GAB3: variants seen among roughly 807,000 people sequenced by gnomAD.
The protein encoded by GAB3 is GRB2 associated binding protein 3.
A neutral mutation model predicts 40.4 loss-of-function variants in GAB3; 12 were observed. The observed-to-expected ratio is 0.30, with a 90% CI of 0.19 to 0.48. The LOEUF (loss-of-function observed/expected upper bound fraction) is 0.48. Ranked by LOEUF, GAB3 falls within the 20% of genes least tolerant of loss-of-function variation. GAB3 has a pLI of 0.99. For synonymous variants in GAB3, 154 were observed against 176.7 expected (o/e 0.87, Z 1.02); for missense variants, 381 against 461.9 (o/e 0.82, Z 1.61).
At chrX:154,686,764 T>G (rs1347859232) in intron 8 of GAB3, among the ~76,000 whole-genome samples, 2 of 110,491 alleles carry the variant, frequency 1.8e-5, no homozygotes, top group Non-Finnish European at 3.8e-5. Flanking sequence ...AATGGGTCAT[T>G]GGAAGCTGAA....
chrX:154,747,558 T>C (rs782429099), intron 1 of GAB3, among the ~76,000 whole-genome samples: 1 of 112,138 alleles, frequency 8.9e-6, no homozygotes, highest in East Asian at 2.8e-4. Flanking sequence ...CCCAGCACTT[T>C]AGAAGGCCAA....
rs782009800 is a variant in GAB3 at position 154,712,518 on chromosome X, A to G, written c.780T>C (p.Ser260=). The G allele has an allele frequency of 5.8e-5, 70 of 1,199,787 alleles. No individual in the cohort carries two copies. Among genetic ancestry groups the G allele is most frequent in the Non-Finnish European group, 7.6e-5 (68 of 890,246 alleles). The part of the protein sequence containing the change: ...SSRPQAALIW[S]REINGPPRDH... ...CCCTGGGTGGCCCATTGATTTCTCT[A>G]CTCCAGATCAGGGCAGCCTGAGGCC... Residue 260 remains serine (S), a synonymous_variant, in exon 4 of 10, where the codon AGT becomes AGC. Transcript: ENST00000424127.
chrX:154,703,582 G>A (rs1254407586), intron 4 of GAB3, among the ~76,000 whole-genome samples: 1 of 111,484 alleles, frequency 9.0e-6, no homozygotes, highest in Non-Finnish European at 1.9e-5. Context: ...TGATGAAATA[G>A]TCAACAAACC....
intron 4 of GAB3, among the ~76,000 whole-genome samples, chrX:154,706,568 G>A (rs781804894): frequency 9.0e-5 from 10 of 111,100 alleles, no homozygotes; most frequent in Non-Finnish European, 1.7e-4. Flanking sequence ...ATCTTAAAAT[G>A]TATATGGAAC....
At chrX:154,708,403 T>C (rs2070849701) in intron 4 of GAB3, among the ~76,000 whole-genome samples, 1 of 112,079 alleles carries the variant, frequency 8.9e-6, no homozygotes, top group African/African-American at 3.2e-5. Context: ...CTAACAAGTG[T>C]CTGCTCAGCA....
At chrX:154,712,190 G>A in intron 4 of GAB3, 39 bp downstream of exon 4, 1 of 1,036,036 alleles carries the variant, frequency 9.7e-7, no homozygotes, top group Non-Finnish European at 1.3e-6. Flanking sequence ...GAGGAGCCCG[G>A]GTTTTCTTGG....
upstream of GAB3, among the ~76,000 whole-genome samples, chrX:154,751,295 T>C (rs149748952): frequency 1.7e-5 from 1 of 59,898 alleles, no homozygotes; most frequent in Non-Finnish European, 3.0e-5. Context: ...GGGGGGGGGG[T>C]GTGGGGGGGG....
intron 1 of GAB3, 141 bp from the exon 2 acceptor site, chrX:154,716,470 G>GGC (rs2071048207): frequency 1.9e-6 from 1 of 537,339 alleles, no homozygotes; most frequent in African/African-American, 2.3e-5. Flanking sequence ...TGTATTACAG[G>GGC]ACTAGTGCCC....
chrX:154,710,429 C>CCT (rs1557255544), intron 4 of GAB3, among the ~76,000 whole-genome samples: 20 of 111,764 alleles, frequency 1.8e-4, no homozygotes, highest in African/African-American at 6.5e-4. Flanking sequence ...GAGAGTGTGG[C>CCT]ACTGGTGCAA....
chrX:154,748,887 G>A (rs782109518), intron 1 of GAB3, among the ~76,000 whole-genome samples: 42 of 111,975 alleles, frequency 3.8e-4, no homozygotes, highest in African/African-American at 1.3e-3. Flanking sequence ...TCCAGGCCCC[G>A]TCGAAGTGAC....
In GAB3 at chrX:154,744,431, A is replaced by G. The variant is rs782215733; in HGVS notation, c.72+6523T>C. Reference sequence around the variant, plus strand: ...CAAAACAAGGAATAGCATCAGGGACAAAGCAAGACATTAAATAATGAAAAA... The same window carrying G: ...CAAAACAAGGAATAGCATCAGGGACGAAGCAAGACATTAAATAATGAAAAA... On this transcript the variant is annotated intron_variant, in intron 1 of 9. Transcript: ENST00000424127. Among the ~76,000 whole-genome samples, 3 of 111,769 alleles carry G rather than the reference A, an allele frequency of 2.7e-5. No individual in the cohort carries two copies. In the South Asian group the frequency reaches 1.1e-3, roughly 42 times the overall value.
intron 8 of GAB3, among the ~76,000 whole-genome samples, chrX:154,687,899 T>C (rs1557248253): frequency 9.0e-6 from 1 of 111,640 alleles, no homozygotes; most frequent in Non-Finnish European, 1.9e-5. Context: ...ATTACAGAGG[T>C]GCAAAGAAAA....
chrX:154,686,884 A>T (rs1186329467), intron 8 of GAB3, among the ~76,000 whole-genome samples: 1 of 111,835 alleles, frequency 8.9e-6, no homozygotes, highest in Non-Finnish European at 1.9e-5. Flanking sequence ...AGGGGAAAAA[A>T]ATCAAAGAAA....
chrX:154,732,014 G>A (rs1312403247), intron 1 of GAB3, among the ~76,000 whole-genome samples: 2 of 111,587 alleles, frequency 1.8e-5, no homozygotes, highest in African/African-American at 3.3e-5. Context: ...CGTCTGCTTC[G>A]GTCTGGTTCC....
intron 1 of GAB3, among the ~76,000 whole-genome samples, chrX:154,718,509 C>T (rs1327694006): frequency 9.0e-6 from 1 of 111,382 alleles, no homozygotes; most frequent in Non-Finnish European, 1.9e-5. Flanking sequence ...GTGGGGGTGA[C>T]CCAAGAGGGA....
intron 4 of GAB3, among the ~76,000 whole-genome samples, chrX:154,711,348 T>C (rs2070941860): frequency 9.0e-6 from 1 of 111,359 alleles, no homozygotes; most frequent in Non-Finnish European, 1.9e-5. Context: ...AAGAGCAAAA[T>C]GCTAAGGTTG....
In GAB3 at chrX:154,712,370, G is replaced by T. The variant is rs1425248958; in HGVS notation, c.928C>A (p.Pro310Thr). ...ELDIMSNTPPPRPPKPSHLSE... is the reference protein window; with the variant it reads ...ELDIMSNTPPTRPPKPSHLSE... Reference sequence around the variant, plus strand: ...AGATGGCTTGGCTTAGGGGGGCGGGGAGGTGGAGTGTTGGACATAATGTCT... The same window carrying T: ...AGATGGCTTGGCTTAGGGGGGCGGGTAGGTGGAGTGTTGGACATAATGTCT... Residue 310 changes from proline to threonine, a missense_variant, in exon 4 of 10, where the codon CCC becomes ACC. Coordinates refer to ENST00000424127, the MANE Select transcript of GAB3 (RefSeq NM_001081573.3). 3 of 1,209,752 alleles carry T rather than the reference G, an allele frequency of 2.5e-6. No homozygotes were observed. Among genetic ancestry groups the T allele is most frequent in the Non-Finnish European group, 3.4e-6 (3 of 894,939 alleles).
intron 4 of GAB3, among the ~76,000 whole-genome samples, chrX:154,708,070 C>T (rs781938166): frequency 2.7e-5 from 3 of 112,079 alleles, no homozygotes; most frequent in East Asian, 5.5e-4. Flanking sequence ...AATACACCCA[C>T]ATGTACATGG....
At chrX:154,733,349 T>C (rs957627853) in intron 1 of GAB3, among the ~76,000 whole-genome samples, 1 of 112,439 alleles carries the variant, frequency 8.9e-6, no homozygotes, top group Non-Finnish European at 1.9e-5. Context: ...ATTTTCCAAT[T>C]GTGATGCTGA....
Sources: allele counts gnomAD v4.1 joint callset (sites outside exome capture counted in the v4.1 genomes callset), GRCh38; gene constraint gnomAD v4.1.1; transcripts MANE v1.5; gene names NCBI Gene and HGNC (gene_info 2026-07-23, HGNC 2026-07-21).